The following KDM2A variants were observed in gnomAD, a reference collection of about 807,000 sequenced individuals.
KDM2A encodes the protein lysine-specific demethylase 2A.
A neutral mutation model predicts 137.3 loss-of-function variants in KDM2A; 3 were observed. The ratio of observed to expected loss-of-function variants is 0.02; its 90% CI spans 0.01 to 0.06. The LOEUF (loss-of-function observed/expected upper bound fraction) is 0.06. Among genes scored for constraint, KDM2A ranks in the 10% least tolerant of loss-of-function variants. The probability of loss-of-function intolerance (pLI) is 1.00; values close to 1 mark genes in which losing one functional copy is unlikely to be tolerated. For missense variants in KDM2A, 738 were observed against 1,510.6 expected (o/e 0.49, Z 8.48); for synonymous variants, 512 against 541.5 (o/e 0.95, Z 0.76).
intron 5 of KDM2A, among the ~76,000 whole-genome samples, chr11:67,184,426 G>A (rs1460220745): frequency 2.6e-5 from 4 of 152,078 alleles, no homozygotes; most frequent in Admixed American, 6.6e-5. Flanking sequence ...TCAGGAGTTC[G>A]AGACCAGCCT....
chr11:67,170,020 C>T (rs1590744757), intron 2 of KDM2A, among the ~76,000 whole-genome samples: 2 of 151,932 alleles, frequency 1.3e-5, no homozygotes, highest in Admixed American at 6.6e-5. Context: ...CCTCCCAGAG[C>T]GCTGTGATTA....
At chr11:67,168,412 A>G (rs531825970) in intron 2 of KDM2A, among the ~76,000 whole-genome samples, 6 of 152,210 alleles carry the variant, frequency 3.9e-5, no homozygotes, top group African/African-American at 1.4e-4. Context: ...TTGTAATTCT[A>G]TAATTTATTT....
chr11:67,203,540 T>C (rs1857711545), intron 5 of KDM2A, among the ~76,000 whole-genome samples: 1 of 148,428 alleles, frequency 6.7e-6, no homozygotes, highest in East Asian at 2.0e-4. Context: ...ATAAGTAGTC[T>C]AGTAATAAAA....
chr11:67,222,894 AG>A (rs1370977218), intron 10 of KDM2A, among the ~76,000 whole-genome samples: 1 of 150,190 alleles, frequency 6.7e-6, no homozygotes, highest in East Asian at 2.0e-4. Context: ...AAGAAAAATA[AG>A]GGGGAAAAAA....
intron 2 of KDM2A, among the ~76,000 whole-genome samples, chr11:67,123,184 C>T (rs1855638294): frequency 1.3e-5 from 2 of 151,212 alleles, no homozygotes; most frequent in African/African-American, 4.9e-5. Context: ...CTATGTTGCC[C>T]ACCCTAGTCT....
At chr11:67,122,370 C>T (rs138022387) in intron 2 of KDM2A, among the ~76,000 whole-genome samples, 108 of 152,230 alleles carry the variant, frequency 7.1e-4, no homozygotes, top group African/African-American at 2.4e-3. Context: ...CTGTCGCCCA[C>T]GCTTGGAGTG....
intron 2 of KDM2A, among the ~76,000 whole-genome samples, chr11:67,125,082 C>T (rs1855688562): frequency 2.0e-5 from 3 of 151,474 alleles, no homozygotes; most frequent in South Asian, 4.2e-4. Flanking sequence ...AGGATGGTCT[C>T]GATCTGCTGA....
intron 2 of KDM2A, among the ~76,000 whole-genome samples, chr11:67,137,101 C>G (rs1177942305): frequency 2.0e-5 from 3 of 152,158 alleles, no homozygotes; most frequent in African/African-American, 7.2e-5. Context: ...TGCAGAAACT[C>G]TTAAGGTTGG....
intron 4 of KDM2A, 79 bp from the exon 5 acceptor site, chr11:67,181,767 C>A: frequency 8.7e-7 from 1 of 1,153,728 alleles, no homozygotes; most frequent in South Asian, 1.3e-5. Flanking sequence ...GGGGAGTACT[C>A]AGTACTTTAA....
At chr11:67,193,331 A>G (rs1590767734) in intron 5 of KDM2A, among the ~76,000 whole-genome samples, 1 of 152,182 alleles carries the variant, frequency 6.6e-6, no homozygotes, top group Non-Finnish European at 1.5e-5. Flanking sequence ...TGAAAGAGAA[A>G]CTTGTAGTTT....
At chr11:67,240,981 C>A (rs1041504217) in intron 12 of KDM2A, among the ~76,000 whole-genome samples, 1 of 152,224 alleles carries the variant, frequency 6.6e-6, no homozygotes, top group Non-Finnish European at 1.5e-5. Flanking sequence ...CCACAAAAAT[C>A]TTGCAGGTAG....
At chr11:67,244,981 G>GT in intron 13 of KDM2A, 1 of 540,684 alleles carries the variant, frequency 1.8e-6, no homozygotes, top group Non-Finnish European at 3.2e-6. Flanking sequence ...GCGAGACTCT[G>GT]TCTCAAAAAA....
At chr11:67,131,009 C>G (rs1054092827) in intron 2 of KDM2A, among the ~76,000 whole-genome samples, 9 of 152,210 alleles carry the variant, frequency 5.9e-5, no homozygotes, top group Non-Finnish European at 8.8e-5. Flanking sequence ...CTCATACCAT[C>G]CAACGTCTCT....
chr11:67,144,599 G>A (rs979096767), intron 2 of KDM2A, among the ~76,000 whole-genome samples: 62 of 150,084 alleles, frequency 4.1e-4, no homozygotes, highest in African/African-American at 1.3e-3. Flanking sequence ...GTCTTGCTCT[G>A]TTAGCTCATC....
intron 5 of KDM2A, 51 bp from the exon 6 acceptor site, chr11:67,207,455 ATATT>A: frequency 7.6e-7 from 1 of 1,307,280 alleles, no homozygotes; most frequent in Middle Eastern, 2.8e-4. Context: ...TATTCTTACT[ATATT>A]TAAGGATATT....
At chr11:67,160,398 G>T (rs1342244341) in intron 2 of KDM2A, among the ~76,000 whole-genome samples, 1 of 152,160 alleles carries the variant, frequency 6.6e-6, no homozygotes, top group East Asian at 1.9e-4. Flanking sequence ...CCTGGGTTCA[G>T]GATGAGAGCA....
intron 2 of KDM2A, among the ~76,000 whole-genome samples, chr11:67,169,379 T>C (rs893567513): frequency 1.3e-5 from 2 of 151,554 alleles, no homozygotes; most frequent in South Asian, 2.1e-4. Context: ...TCTTTCTTTT[T>C]CTTTTTTTTT....
chr11:67,156,243 C>G (rs1221429910), intron 2 of KDM2A, among the ~76,000 whole-genome samples: 60 of 144,014 alleles, frequency 4.2e-4, no homozygotes, highest in Non-Finnish European at 7.8e-4. Flanking sequence ...AGCAAAACTC[C>G]GTCTCAAAAA....
At chr11:67,144,314 G>A (rs1856194220) in intron 2 of KDM2A, among the ~76,000 whole-genome samples, 1 of 150,002 alleles carries the variant, frequency 6.7e-6, no homozygotes, top group African/African-American at 2.5e-5. Context: ...GTGCAGTGGG[G>A]TGACCTCTGC....
Sources: allele counts gnomAD v4.1 joint callset (sites outside exome capture counted in the v4.1 genomes callset), GRCh38; gene constraint gnomAD v4.1.1; transcripts MANE v1.5; gene names NCBI Gene and HGNC (gene_info 2026-07-23, HGNC 2026-07-21).